PACRG: variants seen among roughly 807,000 people sequenced by gnomAD.
PACRG encodes the protein parkin coregulated gene protein.
Under a neutral mutation model 29.7 loss-of-function variants are expected in PACRG, and 29 were observed. The ratio of observed to expected loss-of-function variants is 0.98; its 90% CI spans 0.73 to 1.33. PACRG has a LOEUF of 1.33. Ranked by LOEUF, PACRG falls within the 40% of genes most tolerant of loss-of-function variation. The pLI, the probability that PACRG is intolerant of heterozygous loss-of-function variation, is 0.00. For synonymous variants in PACRG, 116 were observed against 118.7 expected (o/e 0.98, Z 0.15); for missense variants, 279 against 316.2 (o/e 0.88, Z 0.89).
At chr6:162,959,839 T>C (rs1800464512) in intron 2 of PACRG, among the ~76,000 whole-genome samples, 1 of 152,132 alleles carries the variant, frequency 6.6e-6, no homozygotes. Flanking sequence ...AAAAGAATTC[T>C]GTATATATGC....
intron 2 of PACRG, among the ~76,000 whole-genome samples, chr6:162,826,753 G>T (rs184896767): frequency 6.6e-6 from 1 of 152,038 alleles, no homozygotes; most frequent in Non-Finnish European, 1.5e-5. Flanking sequence ...GTGAGCCACC[G>T]CACCCAGCCA....
chr6:162,785,420 T>G (rs1000544213), intron 1 of PACRG, among the ~76,000 whole-genome samples: 7 of 152,150 alleles, frequency 4.6e-5, no homozygotes, highest in African/African-American at 1.7e-4. Flanking sequence ...TCTTTAAACT[T>G]GCAAAGCAAG....
chr6:162,750,611 C>T (rs1487799617), intron 1 of PACRG, among the ~76,000 whole-genome samples: 1 of 152,160 alleles, frequency 6.6e-6, no homozygotes, highest in African/African-American at 2.4e-5. Flanking sequence ...ATGCTGTTTA[C>T]AGTTTAAGTG....
At chr6:163,255,114 G>A (rs1254182000) in intron 4 of PACRG, among the ~76,000 whole-genome samples, 2 of 152,178 alleles carry the variant, frequency 1.3e-5, no homozygotes, top group Non-Finnish European at 2.9e-5. Context: ...CAATGTCCAT[G>A]GCAACATCCA....
intron 2 of PACRG, among the ~76,000 whole-genome samples, chr6:162,866,347 C>G (rs1406545302): frequency 6.6e-6 from 1 of 152,180 alleles, no homozygotes; most frequent in African/African-American, 2.4e-5. Flanking sequence ...CTAATCTCCC[C>G]TAGGCCCTAC....
chr6:163,254,212 T>G (rs1396689353), intron 4 of PACRG, among the ~76,000 whole-genome samples: 1 of 152,228 alleles, frequency 6.6e-6, no homozygotes, highest in Admixed American at 6.5e-5. Flanking sequence ...TGACATCTGA[T>G]TTTTTAAGGC....
intron 2 of PACRG, among the ~76,000 whole-genome samples, chr6:163,037,113 A>G (rs1007141564): frequency 6.6e-6 from 1 of 152,210 alleles, no homozygotes; most frequent in African/African-American, 2.4e-5. Flanking sequence ...CCTCTTTGTC[A>G]TCCGTAACTG....
chr6:163,069,051 T>C (rs1811807626), intron 3 of PACRG, among the ~76,000 whole-genome samples: 1 of 152,104 alleles, frequency 6.6e-6, no homozygotes, highest in African/African-American at 2.4e-5. Context: ...GACTCACCAA[T>C]TGACCAACAA....
chr6:162,728,579 T>C (rs1779471814), intron 1 of PACRG, among the ~76,000 whole-genome samples, 188 bp downstream of exon 1: 1 of 152,156 alleles, frequency 6.6e-6, no homozygotes, highest in African/African-American at 2.4e-5. Flanking sequence ...TGTTAGAATC[T>C]TGGGCAAGTG....
rs867651374 is a variant in PACRG, at chr6:162,812,376, A to G, written c.157-1771A>G. Among the ~76,000 whole-genome samples, 7 of 152,230 alleles carry G rather than the reference A, an allele frequency of 4.6e-5. No homozygotes were observed. The South Asian group carries it at 1.5e-3, about 32-fold the overall frequency. The stretch of plus-strand genomic sequence containing the variant: ...AATCAGTGTTCTACAATAACAATAC[A>G]CACACACATGCACATACATATTTGC... On this transcript the variant is annotated intron_variant, in intron 1 of 4. Transcript: ENST00000366888.
chr6:163,041,345 A>T (rs1296064019), intron 2 of PACRG, among the ~76,000 whole-genome samples: 2 of 152,024 alleles, frequency 1.3e-5, no homozygotes, highest in African/African-American at 4.8e-5. Flanking sequence ...TCAAAAAAAA[A>T]TAAAAATAAA....
At chr6:162,751,642 A>G (rs1483848658) in intron 1 of PACRG, among the ~76,000 whole-genome samples, 2 of 152,170 alleles carry the variant, frequency 1.3e-5, no homozygotes, top group Non-Finnish European at 2.9e-5. Context: ...ATTTTCTCTG[A>G]ACTACAAATA....
chr6:162,875,624 A>C (rs1474607423), intron 2 of PACRG, among the ~76,000 whole-genome samples: 1 of 152,238 alleles, frequency 6.6e-6, no homozygotes, highest in African/African-American at 2.4e-5. Context: ...TAGGTTGTAC[A>C]TTAACCACTT....
intron 4 of PACRG, among the ~76,000 whole-genome samples, chr6:163,245,355 T>C (rs1318393612): frequency 6.6e-6 from 1 of 152,212 alleles, no homozygotes; most frequent in Non-Finnish European, 1.5e-5. Flanking sequence ...AATTATAGCC[T>C]AAAGCCAAAT....
chr6:163,229,272 C>A (rs1781928980), intron 4 of PACRG, among the ~76,000 whole-genome samples: 1 of 152,104 alleles, frequency 6.6e-6, no homozygotes, highest in African/African-American at 2.4e-5. Context: ...CACTTTGAGC[C>A]CAGGAGTTAG....
chr6:163,007,870 A>C (rs1805262555), intron 2 of PACRG, among the ~76,000 whole-genome samples: 1 of 152,098 alleles, frequency 6.6e-6, no homozygotes, highest in Admixed American at 6.5e-5. Context: ...CTCACTGGAC[A>C]CTGGGCATTT....
chr6:163,195,691 C>G (rs1562958535), intron 4 of PACRG, among the ~76,000 whole-genome samples: 1 of 152,230 alleles, frequency 6.6e-6, no homozygotes, highest in Non-Finnish European at 1.5e-5. Flanking sequence ...CGACCCCCCT[C>G]TCAGCCTCCC....
At chr6:162,743,445 A>T (rs1045106319) in intron 1 of PACRG, among the ~76,000 whole-genome samples, 1 of 152,136 alleles carries the variant, frequency 6.6e-6, no homozygotes, top group Non-Finnish European at 1.5e-5. Flanking sequence ...CATATCATAC[A>T]TATATCATAC....
chr6:163,046,957 T>A (rs1415738481), intron 2 of PACRG, among the ~76,000 whole-genome samples: 2 of 152,232 alleles, frequency 1.3e-5, no homozygotes, highest in African/African-American at 4.8e-5. Flanking sequence ...AGTGCCACTA[T>A]CATAACAATT....
Sources: gnomAD v4.1 joint callset for allele counts (sites outside exome capture counted in the v4.1 genomes callset) on GRCh38, gnomAD v4.1.1 for gene constraint, MANE v1.5 for transcripts, NCBI Gene and HGNC (gene_info 2026-07-23, HGNC 2026-07-21) for gene names.